RAB2A: variants seen among roughly 807,000 people sequenced by gnomAD.
RAB2A encodes ras-related protein Rab-2A.
A neutral mutation model predicts 32.5 loss-of-function variants in RAB2A; 7 were observed. That is an observed-to-expected ratio of 0.22 (90% confidence interval 0.12 to 0.40). The LOEUF (loss-of-function observed/expected upper bound fraction) is 0.40. Among genes scored for constraint, RAB2A ranks in the 10% least tolerant of loss-of-function variants. The pLI, the probability that RAB2A is intolerant of heterozygous loss-of-function variation, is 1.00. For synonymous variants in RAB2A, 79 were observed against 85.2 expected (o/e 0.93, Z 0.40); for missense variants, 108 against 260.7 (o/e 0.41, Z 4.03).
At chr8:60,566,907 C>G (rs1359967218) in intron 2 of RAB2A, among the ~76,000 whole-genome samples, 1 of 152,130 alleles carries the variant, frequency 6.6e-6, no homozygotes, top group Non-Finnish European at 1.5e-5. Flanking sequence ...GCCTTCAGCT[C>G]CATCCCTGCT....
At chr8:60,572,239 GA>G in intron 3 of RAB2A, 126 bp downstream of exon 3, 1 of 637,040 alleles carries the variant, frequency 1.6e-6, no homozygotes, top group Admixed American at 2.8e-5. Context: ...CTGCAGCCAT[GA>G]GATGAAATGT....
At chr8:60,547,717 C>G (rs1355412607) in intron 1 of RAB2A, among the ~76,000 whole-genome samples, 6 of 48,860 alleles carry the variant, frequency 1.2e-4, no homozygotes, top group African/African-American at 5.3e-4. Flanking sequence ...ACCCCCCCAC[C>G]TCCCTCCCGG....
chr8:60,548,942 A>AG (rs1250300452), intron 1 of RAB2A, among the ~76,000 whole-genome samples: 2 of 148,452 alleles, frequency 1.3e-5, no homozygotes, highest in African/African-American at 5.1e-5. Context: ...TGCCAGGCAG[A>AG]GGGTCTCCTC....
intron 1 of RAB2A, among the ~76,000 whole-genome samples, chr8:60,528,167 A>G (rs894227587): frequency 3.6e-4 from 55 of 152,226 alleles, no homozygotes; most frequent in African/African-American, 1.2e-3. Flanking sequence ...ACCTCCATTC[A>G]TGCATAATAG....
rs180907338 is a variant in RAB2A at position 60,597,919 on chromosome 8, A to G, written c.474+5950A>G. Among the ~76,000 whole-genome samples the G allele has an allele frequency of 4.0e-5, 5 of 124,380 alleles. No homozygotes were observed. In the East Asian group the frequency reaches 1.2e-3, roughly 29 times the overall value. The allele number at this position is 124,380 out of a possible 152,430, so 81.6% of individuals were successfully genotyped here. Reference sequence around the variant, plus strand: ...GCTGTGAATAGCTTTACCCACATAAATGTGACAACTTAGATGACTAATAGA... The same window carrying G: ...GCTGTGAATAGCTTTACCCACATAAGTGTGACAACTTAGATGACTAATAGA... On this transcript the variant is annotated intron_variant, in intron 6 of 7. Coordinates refer to ENST00000262646, the MANE Select transcript of RAB2A (RefSeq NM_002865.3).
At chr8:60,559,576 AAATT>A (rs755559790) in intron 2 of RAB2A, among the ~76,000 whole-genome samples, 56 of 152,228 alleles carry the variant, frequency 3.7e-4, no homozygotes, top group Non-Finnish European at 6.0e-4. Context: ...GCAAAGGAAA[AAATT>A]AAGATGAGTG....
rs969762064 is a variant in RAB2A at position 60,586,934 on chromosome 8, A to G, written c.362+2119A>G. 9.6e-4 allele frequency among the ~76,000 whole-genome samples: 113 copies of G among 117,696 alleles called. No homozygotes were observed. The Middle Eastern group carries it at 0.013, about 13-fold the overall frequency. 77.2% of individuals were successfully genotyped at this position (117,696 alleles called of 152,430 possible). On this transcript the variant is annotated intron_variant, in intron 5 of 7. Transcript: ENST00000262646. ...AAAAGAGCAAGACTCTGTCTCCAAG[A>G]AAAAAAAAAAAAAAAAAAGATTTAT...
chr8:60,570,805 A>G (rs1808187465), intron 2 of RAB2A, among the ~76,000 whole-genome samples: 1 of 152,160 alleles, frequency 6.6e-6, no homozygotes, highest in African/African-American at 2.4e-5. Flanking sequence ...GTTTTATGTC[A>G]TGGGACAAAT....
At chr8:60,517,532 G>A (rs1807226514) in intron 1 of RAB2A, among the ~76,000 whole-genome samples, 2 of 152,144 alleles carry the variant, frequency 1.3e-5, no homozygotes, top group African/African-American at 2.4e-5. Flanking sequence ...TGACAGGAGG[G>A]GAGGCCTAGC....
intron 6 of RAB2A, among the ~76,000 whole-genome samples, chr8:60,607,449 A>AG (rs1554559441): frequency 6.9e-6 from 1 of 143,972 alleles, no homozygotes; most frequent in Admixed American, 6.9e-5. Flanking sequence ...AAAAAAAAAA[A>AG]GGTTTTTGTA....
At position 60,572,033 on chromosome 8, in the gene RAB2A, C is replaced by T. The variant is rs1405669692; in HGVS notation, c.119-13C>T. Reference sequence around the variant, plus strand: ...CACTAATTTTGTAACAAATCATTTCCTACTCTATTTAGGTGTAGAGTTCGG... The same window carrying T: ...CACTAATTTTGTAACAAATCATTTCTTACTCTATTTAGGTGTAGAGTTCGG... On this transcript the variant is annotated splice_polypyrimidine_tract_variant and intron_variant, in intron 2 of 7. Transcript: ENST00000262646. 1.3e-6 allele frequency: 2 copies of T among 1,582,592 alleles called. No individual in the cohort carries two copies. Among genetic ancestry groups the T allele is most frequent in the African/African-American group, 1.3e-5 (1 of 74,160 alleles).
At chr8:60,553,992 T>C (rs756356198) in intron 1 of RAB2A, among the ~76,000 whole-genome samples, 10 of 152,140 alleles carry the variant, frequency 6.6e-5, no homozygotes, top group Non-Finnish European at 1.3e-4. Context: ...CAGGGGACAA[T>C]GGTTTGTTGT....
Position 60,620,958 on chromosome 8 carries a change from T to G in RAB2A, c.*189T>G, listed in dbSNP as rs995953688. 12 of 530,126 alleles carry G rather than the reference T, an allele frequency of 2.3e-5. No homozygotes were observed. The African/African-American group carries it at 2.4e-4, about 10-fold the overall frequency. 32.8% of individuals were successfully genotyped at this position (530,126 alleles called of 1,614,324 possible). The stretch of plus-strand genomic sequence containing the variant: ...CACTTAAAAGACAGATTTTGGAGAT[T>G]GTATTCATATCTATTTGCATTTGAT... On this transcript the variant is annotated 3_prime_UTR_variant, in exon 8 of 8. Transcript: ENST00000262646.
At chr8:60,522,317 G>A (rs930904569) in intron 1 of RAB2A, among the ~76,000 whole-genome samples, 2 of 152,088 alleles carry the variant, frequency 1.3e-5, no homozygotes, top group African/African-American at 2.4e-5. Flanking sequence ...TCAGTGAGGG[G>A]GAGAACTAAG....
chr8:60,585,964 T>G (rs1803838847), intron 5 of RAB2A, among the ~76,000 whole-genome samples: 1 of 152,168 alleles, frequency 6.6e-6, no homozygotes, highest in Non-Finnish European at 1.5e-5. Flanking sequence ...TTTGAAAATG[T>G]GTGAGATGCA....
intron 1 of RAB2A, among the ~76,000 whole-genome samples, chr8:60,554,852 CAA>C (rs577274037): frequency 7.3e-6 from 1 of 136,604 alleles, no homozygotes; most frequent in African/African-American, 2.7e-5. Flanking sequence ...GACTCCGTCT[CAA>C]AAAAAAAAAG....
At chr8:60,606,775 T>C (rs1349974808) in intron 6 of RAB2A, among the ~76,000 whole-genome samples, 1 of 152,250 alleles carries the variant, frequency 6.6e-6, no homozygotes, top group Non-Finnish European at 1.5e-5. Context: ...CTTTTTGAGC[T>C]GCAGCTAGAG....
intron 5 of RAB2A, among the ~76,000 whole-genome samples, chr8:60,590,450 C>A (rs1208089268): frequency 6.8e-6 from 1 of 147,220 alleles, no homozygotes. Context: ...CCAGCGTGAG[C>A]AACATAGTGA....
intron 5 of RAB2A, among the ~76,000 whole-genome samples, chr8:60,586,383 T>C (rs1803847674): frequency 7.0e-6 from 1 of 143,206 alleles, no homozygotes; most frequent in Non-Finnish European, 1.5e-5. Flanking sequence ...TCCTGCCCGT[T>C]AAAAAAAAAA....
Sources: allele counts gnomAD v4.1 joint callset (sites outside exome capture counted in the v4.1 genomes callset), GRCh38; gene constraint gnomAD v4.1.1; transcripts MANE v1.5; gene names NCBI Gene and HGNC (gene_info 2026-07-23, HGNC 2026-07-21).